The following HM13 variants were observed in gnomAD, a reference collection of about 807,000 sequenced individuals.
HM13 encodes the protein histocompatibility minor 13, also known as signal peptide peptidase.
HM13 carries 18 observed loss-of-function variants against 50.0 expected under a neutral mutation model. The ratio of observed to expected loss-of-function variants is 0.36; its 90% CI spans 0.25 to 0.53. HM13 has a LOEUF of 0.53. Among genes scored for constraint, HM13 ranks in the 20% least tolerant of loss-of-function variants. HM13 has a pLI of 0.90. For missense variants in HM13, 393 were observed against 552.4 expected, an observed-to-expected ratio of 0.71 and a Z score of 2.89; for synonymous variants, 197 against 232.6, an observed-to-expected ratio of 0.85 and a Z score of 1.39.
Position 31,515,875 on chromosome 20 carries a change from C to T in HM13, c.183+1141C>T, listed in dbSNP as rs148214154. Among the ~76,000 whole-genome samples the T allele has an allele frequency of 2.3e-4, 35 of 152,304 alleles. No homozygotes were observed. In the East Asian group the frequency reaches 2.3e-3, roughly 10 times the overall value. On this transcript the variant is annotated intron_variant, in intron 1 of 12. Transcript: ENST00000398174. ...CCCCCACCCAGACCTGAGGATGGACCTAAGTGGAAGTCTTGCCCAAAGAGG... is the reference window on the plus strand; with the variant it reads ...CCCCCACCCAGACCTGAGGATGGACTTAAGTGGAAGTCTTGCCCAAAGAGG...
chr20:31,562,025 T>A (rs1600668678), intron 10 of HM13, among the ~76,000 whole-genome samples: 1 of 152,334 alleles, frequency 6.6e-6, no homozygotes, highest in Non-Finnish European at 1.5e-5. Context: ...CAGCATCTCA[T>A]GGGCCAGACT....
intron 8 of HM13, 89 bp downstream of exon 8, chr20:31,554,918 C>G (rs1422505679): frequency 9.1e-7 from 1 of 1,099,972 alleles, no homozygotes; most frequent in Non-Finnish European, 1.4e-6. Context: ...ACAGGCTTAC[C>G]AGCTGAGAAA....
intron 12 of HM13, among the ~76,000 whole-genome samples, chr20:31,568,781 CT>C (rs926229400): frequency 6.6e-6 from 1 of 152,202 alleles, no homozygotes; most frequent in Non-Finnish European, 1.5e-5. Context: ...CTCTTGTAGC[CT>C]TGTCATGGCC....
At chr20:31,536,602 T>C (rs562202437) in intron 2 of HM13, among the ~76,000 whole-genome samples, 1 of 152,174 alleles carries the variant, frequency 6.6e-6, no homozygotes, top group South Asian at 2.1e-4. Context: ...CTAAAGACTT[T>C]CCCATGGCAC....
At chr20:31,566,381 C>T (rs1984915609) in intron 11 of HM13, 86 bp downstream of exon 11, 1 of 1,067,680 alleles carries the variant, frequency 9.4e-7, no homozygotes, top group South Asian at 1.3e-5. Flanking sequence ...TATCTTTACA[C>T]CTCTCCAGGG....
chr20:31,567,279 C>T (rs1374371098), intron 11 of HM13, among the ~76,000 whole-genome samples: 1 of 152,168 alleles, frequency 6.6e-6, no homozygotes, highest in Non-Finnish European at 1.5e-5. Context: ...CCATCCTTCA[C>T]CCTCCCTCTG....
intron 2 of HM13, chr20:31,528,181 A>G (rs1336588610): frequency 6.6e-6 from 1 of 152,110 alleles, no homozygotes; most frequent in Non-Finnish European, 1.5e-5. Context: ...GTTACTGCAA[A>G]CCTTCCTTAG....
At chr20:31,545,809 C>T (rs1474901489) in intron 4 of HM13, among the ~76,000 whole-genome samples, 2 of 152,154 alleles carry the variant, frequency 1.3e-5, no homozygotes, top group Non-Finnish European at 2.9e-5. Context: ...TCACTGAAAC[C>T]TCAGCCAACT....
intron 8 of HM13, among the ~76,000 whole-genome samples, chr20:31,555,331 CA>C (rs1984250426): frequency 6.6e-6 from 1 of 152,252 alleles, no homozygotes; most frequent in African/African-American, 2.4e-5. Context: ...TCTGCACTCT[CA>C]GCAGAGGAGC....
chr20:31,517,284 C>T (rs1454385551), intron 1 of HM13, among the ~76,000 whole-genome samples: 6 of 152,156 alleles, frequency 3.9e-5, no homozygotes, highest in Non-Finnish European at 7.3e-5. Context: ...AAGGTAGAGC[C>T]TCCAGGAGTA....
At chr20:31,560,868 G>T (rs764202405) in intron 9 of HM13, among the ~76,000 whole-genome samples, 3 of 152,356 alleles carry the variant, frequency 2.0e-5, no homozygotes, top group East Asian at 3.9e-4. Context: ...AGAGAAGGGG[G>T]TCAGAAGCAC....
At chr20:31,523,256 G>A (rs1279922948) in intron 1 of HM13, among the ~76,000 whole-genome samples, 1 of 150,214 alleles carries the variant, frequency 6.7e-6, no homozygotes, top group Non-Finnish European at 1.5e-5. Flanking sequence ...TCACCATGTT[G>A]GCCAGGCTGG....
At chr20:31,548,125 A>C in intron 4 of HM13, 1 of 976,192 alleles carries the variant, frequency 1.0e-6, no homozygotes, top group Non-Finnish European at 1.6e-6. Flanking sequence ...TCTGTGTGTG[A>C]CAGCGTGAAT....
At chr20:31,566,368 G>A (rs1984913924) in intron 11 of HM13, 73 bp downstream of exon 11, 2 of 1,250,810 alleles carry the variant, frequency 1.6e-6, no homozygotes, top group Middle Eastern at 1.9e-4. Context: ...AACCTGCTGG[G>A]GGTATCTTTA....
At chr20:31,545,099 C>G in intron 4 of HM13, 64 bp downstream of exon 4, 1 of 1,293,886 alleles carries the variant, frequency 7.7e-7, no homozygotes, top group Non-Finnish European at 1.1e-6. Flanking sequence ...TTCCCTTTGT[C>G]TCTCCAATAT....
intron 7 of HM13, among the ~76,000 whole-genome samples, chr20:31,554,346 A>G (rs1266389609): frequency 6.7e-6 from 1 of 150,040 alleles, no homozygotes; most frequent in African/African-American, 2.5e-5. Context: ...TACAGTCCTC[A>G]TTGCCCTGGG....
At chr20:31,526,277 G>T (rs926121594) in intron 1 of HM13, among the ~76,000 whole-genome samples, 2 of 151,674 alleles carry the variant, frequency 1.3e-5, no homozygotes, top group Non-Finnish European at 2.9e-5. Flanking sequence ...TCCTGACTCA[G>T]CCTCCTGAGT....
In HM13 at chr20:31,559,606, C is replaced by A. The variant is rs750252166; in HGVS notation, c.809-5C>A. 6.2e-7 allele frequency: 1 copy of A among 1,614,130 alleles called. No individual in the cohort carries two copies. Among genetic ancestry groups the A allele is most frequent in the Admixed American group, 1.7e-5 (1 of 60,012 alleles). The stretch of plus-strand genomic sequence containing the variant: ...CCACTCTCTAACCCCAGCTTTCTCC[C>A]ACAGGGATCTTCATTGCCTTGCTGC... On this transcript the variant is annotated splice_polypyrimidine_tract_variant and splice_region_variant and intron_variant, in intron 8 of 12. Coordinates refer to ENST00000398174, the MANE Select transcript of HM13 (RefSeq NM_178581.3).
chr20:31,536,791 A>C (rs1427025342), intron 2 of HM13, among the ~76,000 whole-genome samples: 1 of 152,074 alleles, frequency 6.6e-6, no homozygotes, highest in Non-Finnish European at 1.5e-5. Context: ...TCTCCTCCAG[A>C]ACCTTCCCTG....
Sources: gnomAD v4.1 joint callset for allele counts (sites outside exome capture counted in the v4.1 genomes callset) on GRCh38, gnomAD v4.1.1 for gene constraint, MANE v1.5 for transcripts, NCBI Gene and HGNC (gene_info 2026-07-23, HGNC 2026-07-21) for gene names.